The following HOOK3 variants were observed in gnomAD, a reference collection of about 807,000 sequenced individuals.
HOOK3 encodes protein Hook homolog 3.
In HOOK3, 24 loss-of-function variants were observed where a neutral mutation model predicts 116.3. The observed-to-expected ratio is 0.21, with a 90% CI of 0.15 to 0.29. The LOEUF is 0.29. HOOK3 is among the 10% of genes least tolerant of loss of function. HOOK3 has a pLI of 1.00. For synonymous variants in HOOK3, 275 were observed against 283.0 expected (o/e 0.97, Z 0.28); for missense variants, 632 against 830.2 (o/e 0.76, Z 2.93).
intron 13 of HOOK3, among the ~76,000 whole-genome samples, chr8:42,975,098 C>T (rs968688376): frequency 6.6e-6 from 1 of 152,174 alleles, no homozygotes; most frequent in South Asian, 2.1e-4. Context: ...ACGGGTGGGG[C>T]GCACCCAGGA....
At chr8:42,926,944 T>G (rs563044510) in intron 3 of HOOK3, among the ~76,000 whole-genome samples, 1 of 152,332 alleles carries the variant, frequency 6.6e-6, no homozygotes, top group African/African-American at 2.4e-5. Flanking sequence ...GTTCTCCATC[T>G]CTGTGATTTT....
intron 17 of HOOK3, among the ~76,000 whole-genome samples, chr8:43,007,449 A>G (rs1212454289): frequency 1.3e-5 from 2 of 152,168 alleles, no homozygotes; most frequent in African/African-American, 4.8e-5. Flanking sequence ...TGTGAGATCT[A>G]TTCATGTGGT....
intron 5 of HOOK3, among the ~76,000 whole-genome samples, chr8:42,946,578 G>A (rs553819023): frequency 2.6e-5 from 4 of 151,434 alleles, no homozygotes; most frequent in Admixed American, 6.6e-5. Context: ...CCCTTATAGT[G>A]CAAAACAGAT....
chr8:42,987,538 T>G (rs566406038), intron 15 of HOOK3, among the ~76,000 whole-genome samples: 1 of 152,306 alleles, frequency 6.6e-6, no homozygotes, highest in African/African-American at 2.4e-5. Context: ...CCCTCGTAAT[T>G]GGATTGACAA....
chr8:42,995,286 CT>C (rs1176650236), intron 15 of HOOK3, among the ~76,000 whole-genome samples: 3 of 152,174 alleles, frequency 2.0e-5, no homozygotes, highest in Non-Finnish European at 2.9e-5. Context: ...AGTCTGGCTT[CT>C]GCTACTACCA....
Position 42,986,936 on chromosome 8 carries a change from C to T in HOOK3, c.1532+141C>T, listed in dbSNP as rs532773835. On this transcript the variant is annotated intron_variant, in intron 15 of 21. Coordinates refer to ENST00000307602, the MANE Select transcript of HOOK3 (RefSeq NM_032410.4). ...CTTTGGGAGGCCCAGGAGGGCAGAT[C>T]GCTTGAGCTCGGGAGTTCAAGACCA... The T allele has an allele frequency of 1.9e-3, 1,548 of 799,418 alleles. 7 individuals are homozygous for T. The highest frequency in any genetic ancestry group is 2.7e-3 in the Non-Finnish European group (1,321 of 491,444). 49.5% of individuals were successfully genotyped at this position (799,418 alleles called of 1,614,324 possible).
At chr8:42,904,905 C>T (rs553054074) in intron 1 of HOOK3, among the ~76,000 whole-genome samples, 1 of 152,130 alleles carries the variant, frequency 6.6e-6, no homozygotes, top group South Asian at 2.1e-4. Flanking sequence ...TTCATTTTTC[C>T]TAGTTGTAAG....
At chr8:42,904,868 C>T (rs1807272017) in intron 1 of HOOK3, among the ~76,000 whole-genome samples, 1 of 152,136 alleles carries the variant, frequency 6.6e-6, no homozygotes, top group South Asian at 2.1e-4. Context: ...ATCTTTATGC[C>T]TGCTGTTGAC....
In HOOK3 at chr8:42,972,388, A is replaced by G. The variant is rs529655315; in HGVS notation, c.1123-901A>G. ...GTATTATTAACAGGCTGTCATTACA[A>G]ACTTCCAAGTTACCCCTTTTTTCTT... On this transcript the variant is annotated intron_variant, in intron 11 of 21. Coordinates refer to ENST00000307602, the MANE Select transcript of HOOK3 (RefSeq NM_032410.4). Among the ~76,000 whole-genome samples, 5 of 152,262 alleles carry G rather than the reference A, an allele frequency of 3.3e-5. No homozygotes were observed. In the East Asian group the frequency reaches 9.6e-4, roughly 29 times the overall value.
intron 14 of HOOK3, among the ~76,000 whole-genome samples, chr8:42,985,078 A>T (rs1809025801): frequency 6.6e-6 from 1 of 152,168 alleles, no homozygotes; most frequent in Non-Finnish European, 1.5e-5. Flanking sequence ...CTTTTCATTG[A>T]TGTTAAGAGT....
intron 16 of HOOK3, among the ~76,000 whole-genome samples, chr8:42,999,778 A>G (rs965131939): frequency 6.6e-6 from 1 of 152,204 alleles, no homozygotes; most frequent in Non-Finnish European, 1.5e-5. Context: ...AGCTAGCCAC[A>G]ATATATAAAA....
chr8:42,963,331 A>G, intron 8 of HOOK3, among the ~76,000 whole-genome samples: 1 of 152,210 alleles, frequency 6.6e-6, no homozygotes, highest in Non-Finnish European at 1.5e-5. Flanking sequence ...AGTGTCATGT[A>G]GGTGCTCAGA....
chr8:42,926,660 C>A (rs1261052131), intron 3 of HOOK3, among the ~76,000 whole-genome samples: 1 of 152,158 alleles, frequency 6.6e-6, no homozygotes, highest in African/African-American at 2.4e-5. Context: ...TACCTTTTAC[C>A]CAGTTTCTCC....
chr8:42,905,336 G>GT lies in HOOK3; in HGVS notation c.58-836dup, dbSNP rs35470185. Among the ~76,000 whole-genome samples the GT allele has an allele frequency of 4.3e-3, 551 of 129,504 alleles. 6 individuals carry two copies. Among genetic ancestry groups the GT allele is most frequent in the Non-Finnish European group, 7.1e-3 (441 of 62,522 alleles). The allele number at this position is 129,504 out of a possible 152,430, so 85.0% of individuals were successfully genotyped here. A position where few individuals can be genotyped will look rare whatever the true frequency, so the allele number is the denominator to read the frequency against. ...CCTGTTTCTTTTTTTGGGGGGGGGG[G>GT]TGCCGTGGTGGAGGGGATATAGTTC... On this transcript the variant is annotated intron_variant, in intron 1 of 21. Transcript: ENST00000307602.
chr8:42,957,767 C>T (rs563654620), intron 7 of HOOK3, among the ~76,000 whole-genome samples: 18 of 151,924 alleles, frequency 1.2e-4, no homozygotes, highest in Admixed American at 4.6e-4. Flanking sequence ...AAAGGAATCC[C>T]GCAATGTATT....
intron 2 of HOOK3, among the ~76,000 whole-genome samples, chr8:42,908,553 A>G (rs775826605): frequency 6.6e-5 from 10 of 152,262 alleles, no homozygotes; most frequent in Non-Finnish European, 1.3e-4. Flanking sequence ...CAAACACCCA[A>G]TGAGAAAAGG....
At chr8:42,946,029 C>T (rs1186941936) in intron 5 of HOOK3, among the ~76,000 whole-genome samples, 1 of 152,062 alleles carries the variant, frequency 6.6e-6, no homozygotes, top group Non-Finnish European at 1.5e-5. Context: ...TTTCTAAAAG[C>T]TGTAGTTCAA....
Position 43,025,908 on chromosome 8 carries a change from G to A in HOOK3, c.*7410G>A, listed in dbSNP as rs1474352932. 4.8e-6 allele frequency: 1 copy of A among 208,850 alleles called. No homozygotes were observed. The highest frequency in any genetic ancestry group is 9.7e-6 in the Non-Finnish European group (1 of 102,778). The allele number at this position is 208,850 out of a possible 1,614,324, so 12.9% of individuals were successfully genotyped here. On this transcript the variant is annotated 3_prime_UTR_variant, in exon 22 of 22. Coordinates refer to ENST00000307602, the MANE Select transcript of HOOK3 (RefSeq NM_032410.4). ...TTCAACATTGTGCCATTATTTACCT[G>A]ATAAAGGTGAAATCAGAGGTGTCCA...
chr8:43,025,465 A>AT lies in HOOK3; in HGVS notation c.*6968dup, dbSNP rs1186420555. On this transcript the variant is annotated 3_prime_UTR_variant, in exon 22 of 22. Transcript: ENST00000307602. Reference sequence around the variant, plus strand: ...ATGAAAACTTGCATTATCTAAACAGATGTTCCCAAAGCAATAGTTTGCCTA... The same window carrying AT: ...ATGAAAACTTGCATTATCTAAACAGATTGTTCCCAAAGCAATAGTTTGCCTA... 1 of 213,910 alleles carries AT rather than the reference A, an allele frequency of 4.7e-6. No homozygotes were observed. The highest frequency in any genetic ancestry group is 2.3e-5 in the African/African-American group (1 of 44,320). 13.3% of individuals were successfully genotyped at this position (213,910 alleles called of 1,614,324 possible).
Sources: allele counts gnomAD v4.1 joint callset (sites outside exome capture counted in the v4.1 genomes callset), GRCh38; gene constraint gnomAD v4.1.1; transcripts MANE v1.5; gene names NCBI Gene and HGNC (gene_info 2026-07-23, HGNC 2026-07-21).